The following GALNTL6 variants were observed in gnomAD, a reference collection of about 807,000 sequenced individuals.
The protein encoded by GALNTL6 is polypeptide N-acetylgalactosaminyltransferase like 6.
A neutral mutation model predicts 73.7 loss-of-function variants in GALNTL6; 46 were observed. The ratio of observed to expected loss-of-function variants is 0.62; its 90% CI spans 0.49 to 0.80. The LOEUF is 0.80. Among genes scored for constraint, GALNTL6 ranks in the 30% least tolerant of loss-of-function variants. The pLI, the probability that GALNTL6 is intolerant of heterozygous loss-of-function variation, is 0.00. For missense variants in GALNTL6, 604 were observed against 755.0 expected (o/e 0.80, Z 2.34); for synonymous variants, 259 against 263.7 (o/e 0.98, Z 0.17).
intron 8 of GALNTL6, among the ~76,000 whole-genome samples, chr4:172,907,877 G>A (rs1579638551): frequency 6.6e-6 from 1 of 152,020 alleles, no homozygotes; most frequent in Admixed American, 6.6e-5. Flanking sequence ...TCCTTATTAA[G>A]TCAAGAACTG....
chr4:171,814,932 G>C, intron 2 of GALNTL6: 1 of 581,796 alleles, frequency 1.7e-6, no homozygotes, highest in East Asian at 2.8e-5. Context: ...TAGTAAAGAA[G>C]GATAAGACAG....
intron 5 of GALNTL6, among the ~76,000 whole-genome samples, chr4:172,739,234 A>G (rs1160060180): frequency 6.6e-6 from 1 of 152,194 alleles, no homozygotes; most frequent in East Asian, 1.9e-4. Context: ...CCCATATTGT[A>G]TATACCAGTG....
intron 2 of GALNTL6, among the ~76,000 whole-genome samples, chr4:172,003,767 T>G (rs191900509): frequency 6.6e-6 from 1 of 152,250 alleles, no homozygotes; most frequent in Admixed American, 6.5e-5. Context: ...TTTTCATTTC[T>G]GGACCTAGGA....
chr4:172,098,195 A>G (rs568089350), intron 2 of GALNTL6, among the ~76,000 whole-genome samples: 25 of 152,230 alleles, frequency 1.6e-4, no homozygotes, highest in African/African-American at 3.1e-4. Flanking sequence ...AGACATCTAT[A>G]TATCTATGTA....
At chr4:172,647,708 A>G (rs911709490) in intron 5 of GALNTL6, among the ~76,000 whole-genome samples, 9 of 152,154 alleles carry the variant, frequency 5.9e-5, no homozygotes, top group Admixed American at 2.0e-4. Flanking sequence ...TCTGCATTAC[A>G]TAAAAAAGTT....
At chr4:172,399,445 T>G (rs1430805036) in intron 5 of GALNTL6, among the ~76,000 whole-genome samples, 1 of 151,952 alleles carries the variant, frequency 6.6e-6, no homozygotes, top group African/African-American at 2.4e-5. Flanking sequence ...TTTATTAATA[T>G]TTCTGAATTA....
intron 2 of GALNTL6, among the ~76,000 whole-genome samples, chr4:172,180,051 C>A (rs1040993201): frequency 2.0e-5 from 3 of 152,214 alleles, no homozygotes; most frequent in Non-Finnish European, 2.9e-5. Flanking sequence ...AACTAATTTA[C>A]ACTCGCACCA....
At chr4:172,969,218 A>G (rs1283312643) in intron 10 of GALNTL6, among the ~76,000 whole-genome samples, 1 of 152,102 alleles carries the variant, frequency 6.6e-6, no homozygotes, top group East Asian at 1.9e-4. Flanking sequence ...GTATATTAGA[A>G]GAAATAAAAG....
At chr4:172,168,491 GA>G in intron 2 of GALNTL6, among the ~76,000 whole-genome samples, 1 of 152,216 alleles carries the variant, frequency 6.6e-6, no homozygotes, top group Non-Finnish European at 1.5e-5. Context: ...TGATGATGAT[GA>G]TGGTGCTGGT....
chr4:172,737,842 C>G (rs1383191044), intron 5 of GALNTL6, among the ~76,000 whole-genome samples: 1 of 152,178 alleles, frequency 6.6e-6, no homozygotes, highest in Non-Finnish European at 1.5e-5. Flanking sequence ...CTAGGTTCAT[C>G]TCAGCTCTAG....
intron 2 of GALNTL6, among the ~76,000 whole-genome samples, chr4:171,949,272 T>G (rs1039929166): frequency 2.0e-5 from 3 of 152,130 alleles, no homozygotes; most frequent in Non-Finnish European, 4.4e-5. Flanking sequence ...ACAACAAACC[T>G]TACATAGCAA....
intron 2 of GALNTL6, among the ~76,000 whole-genome samples, chr4:171,922,611 T>C (rs1737826744): frequency 6.6e-6 from 1 of 152,086 alleles, no homozygotes; most frequent in South Asian, 2.1e-4. Flanking sequence ...TCTGAGTTTT[T>C]CTCTGAATTC....
chr4:172,093,491 T>G (rs976769818), intron 2 of GALNTL6, among the ~76,000 whole-genome samples: 1 of 152,186 alleles, frequency 6.6e-6, no homozygotes, highest in African/African-American at 2.4e-5. Flanking sequence ...TTTAATTATA[T>G]AGATCTGGGG....
chr4:172,970,767 G>C (rs1276957377), intron 10 of GALNTL6, among the ~76,000 whole-genome samples: 1 of 152,166 alleles, frequency 6.6e-6, no homozygotes, highest in Non-Finnish European at 1.5e-5. Flanking sequence ...AGAGATTAAA[G>C]TAAAGACAGG....
intron 5 of GALNTL6, among the ~76,000 whole-genome samples, chr4:172,384,721 G>A (rs1193725728): frequency 6.6e-6 from 1 of 151,882 alleles, no homozygotes; most frequent in Non-Finnish European, 1.5e-5. Flanking sequence ...CTTTATACTG[G>A]CGTTTACAGA....
intron 2 of GALNTL6, among the ~76,000 whole-genome samples, chr4:172,011,079 T>A (rs1740991858): frequency 6.6e-6 from 1 of 152,056 alleles, no homozygotes; most frequent in Admixed American, 6.6e-5. Flanking sequence ...ACAACAAATA[T>A]ATGAGAACTG....
intron 3 of GALNTL6, among the ~76,000 whole-genome samples, chr4:172,309,540 A>G (rs1050244737): frequency 1.1e-4 from 16 of 152,060 alleles, no homozygotes; most frequent in African/African-American, 3.9e-4. Flanking sequence ...ACACACAAAT[A>G]CATATTAATT....
intron 7 of GALNTL6, among the ~76,000 whole-genome samples, chr4:172,820,176 A>T (rs1321429564): frequency 6.6e-6 from 1 of 152,156 alleles, no homozygotes; most frequent in African/African-American, 2.4e-5. Flanking sequence ...ACTAATGTGG[A>T]GGAAGAGGGG....
At chr4:171,899,452 G>A (rs1165475457) in intron 2 of GALNTL6, among the ~76,000 whole-genome samples, 2 of 152,092 alleles carry the variant, frequency 1.3e-5, no homozygotes, top group Non-Finnish European at 2.9e-5. Context: ...AAGTAGAGAT[G>A]TCAGGGCTCT....
Sources: allele counts gnomAD v4.1 joint callset (sites outside exome capture counted in the v4.1 genomes callset), GRCh38; gene constraint gnomAD v4.1.1; transcripts MANE v1.5; gene names NCBI Gene and HGNC (gene_info 2026-07-23, HGNC 2026-07-21).